Variants in KIAA0825 observed in about 807,000 individuals in gnomAD.
The protein encoded by KIAA0825 is KIAA0825.
In KIAA0825, 119 loss-of-function variants were observed where a neutral mutation model predicts 147.6. The observed-to-expected ratio is 0.81, with a 90% CI of 0.69 to 0.94. The LOEUF (loss-of-function observed/expected upper bound fraction) is 0.94. Ranked by LOEUF, KIAA0825 falls within the 40% of genes least tolerant of loss-of-function variation. The pLI, the probability that KIAA0825 is intolerant of heterozygous loss-of-function variation, is 0.00. For missense variants in KIAA0825, 1,381 were observed against 1,472.7 expected, an observed-to-expected ratio of 0.94 and a Z score of 1.02; for synonymous variants, 470 against 518.1, an observed-to-expected ratio of 0.91 and a Z score of 1.26.
intron 20 of KIAA0825, among the ~76,000 whole-genome samples, chr5:94,331,090 A>T (rs964456288): frequency 1.3e-5 from 2 of 151,742 alleles, no homozygotes; most frequent in African/African-American, 4.8e-5. Flanking sequence ...GTCCAAGATC[A>T]TGCCACTGCA....
chr5:94,578,450 A>C (rs1168444737), intron 2 of KIAA0825, among the ~76,000 whole-genome samples: 5 of 152,190 alleles, frequency 3.3e-5, no homozygotes, highest in Non-Finnish European at 5.9e-5. Context: ...GGGATACACT[A>C]GGATTTTAAG....
At chr5:94,595,757 A>G (rs1165144559) in intron 1 of KIAA0825, among the ~76,000 whole-genome samples, 1 of 152,180 alleles carries the variant, frequency 6.6e-6, no homozygotes, top group Admixed American at 6.5e-5. Flanking sequence ...TCTTTCTGTG[A>G]CTATATAAAA....
chr5:94,374,152 G>A (rs1036611656), intron 20 of KIAA0825, among the ~76,000 whole-genome samples: 7 of 152,176 alleles, frequency 4.6e-5, no homozygotes, highest in Admixed American at 6.5e-5. Context: ...GCAAGAACCC[G>A]AAAGTGCCAG....
intron 5 of KIAA0825, among the ~76,000 whole-genome samples, chr5:94,488,286 C>A (rs1182039152): frequency 2.6e-5 from 4 of 152,154 alleles, no homozygotes; most frequent in African/African-American, 4.8e-5. Context: ...CACTATGGGA[C>A]TGTTGTGCTT....
intron 16 of KIAA0825, among the ~76,000 whole-genome samples, chr5:94,401,140 G>C (rs1751320524): frequency 6.6e-6 from 1 of 151,970 alleles, no homozygotes; most frequent in Non-Finnish European, 1.5e-5. Context: ...TTATCAAGAT[G>C]ACTCCAAACT....
chr5:94,169,639 C>T (rs1009045027), intron 20 of KIAA0825, among the ~76,000 whole-genome samples: 9 of 151,092 alleles, frequency 6.0e-5, no homozygotes, highest in Admixed American at 5.9e-4. Context: ...TGCCTTTACT[C>T]TTCATCGAGT....
chr5:94,561,404 T>C (rs1777530241), intron 2 of KIAA0825, among the ~76,000 whole-genome samples: 1 of 152,236 alleles, frequency 6.6e-6, no homozygotes, highest in Non-Finnish European at 1.5e-5. Flanking sequence ...TAATGAATTA[T>C]TGAACTGTGG....
chr5:94,437,685 A>T (rs1756548826), intron 14 of KIAA0825, among the ~76,000 whole-genome samples: 2 of 152,206 alleles, frequency 1.3e-5, no homozygotes, highest in South Asian at 4.1e-4. Flanking sequence ...GGCTGTCTCA[A>T]TATAGTCAAA....
chr5:94,393,915 C>T (rs888013896), intron 17 of KIAA0825, among the ~76,000 whole-genome samples: 3 of 150,388 alleles, frequency 2.0e-5, no homozygotes, highest in Non-Finnish European at 4.4e-5. Flanking sequence ...ATGGCGCAAT[C>T]TCGGCTCACG....
intron 2 of KIAA0825, among the ~76,000 whole-genome samples, chr5:94,549,428 G>A (rs1251770843): frequency 6.6e-6 from 1 of 152,140 alleles, no homozygotes. Context: ...CAAAATCTAT[G>A]GGAGCTGGCG....
At chr5:94,618,441 C>T (rs561000498) in intron 1 of KIAA0825, 59 bp downstream of exon 1, 1 of 152,726 alleles carries the variant, frequency 6.5e-6, no homozygotes, top group South Asian at 2.1e-4. Flanking sequence ...TAATGCTGCA[C>T]AGAGCCCCGG....
At chr5:94,456,360 C>G (rs939395393) in intron 12 of KIAA0825, among the ~76,000 whole-genome samples, 11 of 152,192 alleles carry the variant, frequency 7.2e-5, no homozygotes, top group Non-Finnish European at 1.3e-4. Flanking sequence ...TCTGCTAAGT[C>G]TTCTCTGACT....
intron 15 of KIAA0825, chr5:94,413,954 A>T (rs1248969057): frequency 6.6e-6 from 1 of 152,208 alleles, no homozygotes; most frequent in African/African-American, 2.4e-5. Context: ...TTATGTAGGT[A>T]ATAGAGACAA....
intron 6 of KIAA0825, among the ~76,000 whole-genome samples, chr5:94,482,175 A>C (rs1434930828): frequency 6.6e-6 from 1 of 152,096 alleles, no homozygotes; most frequent in Non-Finnish European, 1.5e-5. Flanking sequence ...GTATCTCTAC[A>C]AAATCTCTTG....
intron 20 of KIAA0825, among the ~76,000 whole-genome samples, chr5:94,200,843 C>T (rs983799691): frequency 2.6e-5 from 4 of 151,216 alleles, no homozygotes; most frequent in South Asian, 2.1e-4. Flanking sequence ...TATGTTGACG[C>T]TCCTTTTTCT....
At chr5:94,486,813 A>T (rs545814740) in intron 5 of KIAA0825, among the ~76,000 whole-genome samples, 9 of 152,206 alleles carry the variant, frequency 5.9e-5, no homozygotes, top group Non-Finnish European at 1.3e-4. Context: ...TTGCTTATGT[A>T]GATGAGTGGC....
At chr5:94,453,786 A>G (rs1758740209) in intron 12 of KIAA0825, among the ~76,000 whole-genome samples, 1 of 152,186 alleles carries the variant, frequency 6.6e-6, no homozygotes, top group Admixed American at 6.6e-5. Flanking sequence ...TCCCATGAGT[A>G]GTATTTTTAT....
chr5:94,174,367 A>G (rs1768894992), intron 20 of KIAA0825, among the ~76,000 whole-genome samples: 1 of 152,110 alleles, frequency 6.6e-6, no homozygotes, highest in South Asian at 2.1e-4. Flanking sequence ...TTGCAAATCC[A>G]AGTAAATATA....
intron 2 of KIAA0825, among the ~76,000 whole-genome samples, chr5:94,572,122 A>C (rs1472190894): frequency 6.6e-6 from 1 of 151,120 alleles, no homozygotes; most frequent in Non-Finnish European, 1.5e-5. Context: ...AAAGCCCCAC[A>C]AAAAAACCAA....
Sources: allele counts gnomAD v4.1 joint callset (sites outside exome capture counted in the v4.1 genomes callset), GRCh38; gene constraint gnomAD v4.1.1; transcripts MANE v1.5; gene names NCBI Gene and HGNC (gene_info 2026-07-23, HGNC 2026-07-21).